Variants in DPP6 observed in about 807,000 individuals in gnomAD.
DPP6 encodes the protein A-type potassium channel modulatory protein DPP6.
A neutral mutation model predicts 122.6 loss-of-function variants in DPP6; 69 were observed. That is an observed-to-expected ratio of 0.56 (90% CI 0.46 to 0.69). The LOEUF (loss-of-function observed/expected upper bound fraction) is 0.69, where lower values mean the gene tolerates loss of function less well. DPP6 is among the 30% of genes least tolerant of loss of function. DPP6 has a pLI of 0.00. For missense variants in DPP6, 928 were observed against 1,116.9 expected (o/e 0.83, Z 2.41); for synonymous variants, 418 against 433.1 (o/e 0.97, Z 0.43).
chr7:154,222,723 A>G (rs1800377910), intron 1 of DPP6, among the ~76,000 whole-genome samples: 1 of 149,514 alleles, frequency 6.7e-6, no homozygotes, highest in South Asian at 2.1e-4. Flanking sequence ...CTCTTTCAGT[A>G]AAATATCCAG....
chr7:153,819,064 C>T, the DPP6 span, among the ~76,000 whole-genome samples: 4 of 109,380 alleles, frequency 3.7e-5, no homozygotes, highest in African/African-American at 3.9e-5. Flanking sequence ...TTTTTTTTTT[C>T]CCCTTTTCTT....
At chr7:153,952,127 C>T (rs901494372) in intron 1 of DPP6, among the ~76,000 whole-genome samples, 2 of 152,196 alleles carry the variant, frequency 1.3e-5, no homozygotes, top group East Asian at 1.9e-4. Flanking sequence ...AGTTTGTCCT[C>T]GTGGGTTGTG....
At chr7:154,693,285 A>G (rs1840036818) in intron 7 of DPP6, among the ~76,000 whole-genome samples, 1 of 152,180 alleles carries the variant, frequency 6.6e-6, no homozygotes, top group South Asian at 2.1e-4. Context: ...CCGAGAAGGA[A>G]GGCCCTTACT....
At chr7:154,245,167 G>T (rs980176171) in intron 1 of DPP6, among the ~76,000 whole-genome samples, 5 of 151,196 alleles carry the variant, frequency 3.3e-5, no homozygotes. Context: ...TGGCCAGGCT[G>T]GTCTTGAACT....
intron 5 of DPP6, among the ~76,000 whole-genome samples, chr7:154,620,105 C>G (rs1338446438): frequency 6.6e-6 from 1 of 152,228 alleles, no homozygotes; most frequent in East Asian, 1.9e-4. Flanking sequence ...CTTGAAAGCT[C>G]TGCACAGACC....
At chr7:154,157,641 G>A (rs1796751420) in intron 1 of DPP6, among the ~76,000 whole-genome samples, 1 of 152,024 alleles carries the variant, frequency 6.6e-6, no homozygotes, top group Admixed American at 6.6e-5. Flanking sequence ...TTAAATATTT[G>A]TACTTATTTG....
intron 1 of DPP6, among the ~76,000 whole-genome samples, chr7:154,082,305 C>G (rs1246502319): frequency 6.6e-6 from 1 of 152,088 alleles, no homozygotes; most frequent in Admixed American, 6.5e-5. Context: ...GCCATTGTAT[C>G]ATAGGGGTTG....
chr7:154,513,190 G>T (rs888641732), intron 3 of DPP6, among the ~76,000 whole-genome samples: 1 of 152,032 alleles, frequency 6.6e-6, no homozygotes, highest in Non-Finnish European at 1.5e-5. Context: ...GCTGGGAATG[G>T]AATGATTTTC....
intron 1 of DPP6, among the ~76,000 whole-genome samples, chr7:154,008,768 T>C (rs1381885055): frequency 1.3e-5 from 2 of 150,332 alleles, no homozygotes; most frequent in African/African-American, 2.4e-5. Flanking sequence ...TTCACGCCAT[T>C]CTCCTGCCTC....
At chr7:154,516,220 C>T (rs1826487365) in intron 3 of DPP6, among the ~76,000 whole-genome samples, 1 of 151,954 alleles carries the variant, frequency 6.6e-6, no homozygotes, top group African/African-American at 2.4e-5. Context: ...TCCTGCTTTC[C>T]CAGATGACCA....
chr7:154,805,873 C>T (rs1177452177), intron 15 of DPP6, among the ~76,000 whole-genome samples: 6 of 152,228 alleles, frequency 3.9e-5, no homozygotes, highest in Non-Finnish European at 5.9e-5. Context: ...CAGCCAGTTA[C>T]ACCTAAAGGC....
chr7:154,313,700 TATATATATATATATAC>T lies in DPP6; in HGVS notation c.244-132512_244-132497del, dbSNP rs1406271691. Among the ~76,000 whole-genome samples the T allele has an allele frequency of 5.2e-3, 145 of 27,848 alleles. 42 individuals are homozygous for T. In the Middle Eastern group the frequency reaches 0.11, roughly 22 times the overall value. 18.3% of individuals were successfully genotyped at this position (27,848 alleles called of 152,430 possible). A position where few individuals can be genotyped will look rare whatever the true frequency, so the allele number is the denominator to read the frequency against. ...TTAAGATATGGTATATATATATATA[TATATATATATATATAC>T]ACACACACGCACGCACACACACACA... On this transcript the variant is annotated intron_variant, in intron 1 of 25. Coordinates refer to ENST00000377770, the MANE Select transcript of DPP6 (RefSeq NM_130797.4).
At chr7:154,831,631 G>T (rs941498664) in intron 16 of DPP6, among the ~76,000 whole-genome samples, 1 of 152,148 alleles carries the variant, frequency 6.6e-6, no homozygotes, top group African/African-American at 2.4e-5. Flanking sequence ...CTTGAAATCA[G>T]ACTTGGCAAT....
At chr7:154,319,496 C>A (rs939748316) in intron 1 of DPP6, among the ~76,000 whole-genome samples, 1 of 151,880 alleles carries the variant, frequency 6.6e-6, no homozygotes, top group Non-Finnish European at 1.5e-5. Flanking sequence ...GAGTTCAAGA[C>A]CAGCCTGGCC....
chr7:154,471,827 G>C (rs1362902133), intron 2 of DPP6, among the ~76,000 whole-genome samples: 1 of 152,048 alleles, frequency 6.6e-6, no homozygotes, highest in Non-Finnish European at 1.5e-5. Flanking sequence ...CTATGCTAAA[G>C]AAGCATGAAA....
chr7:154,099,113 G>A (rs1201729543), intron 1 of DPP6, among the ~76,000 whole-genome samples: 2 of 152,176 alleles, frequency 1.3e-5, no homozygotes, highest in African/African-American at 2.4e-5. Flanking sequence ...AGAAAATGGA[G>A]GTTTGCTCCA....
chr7:154,412,587 T>G (rs1201937136), intron 1 of DPP6, among the ~76,000 whole-genome samples: 1 of 152,182 alleles, frequency 6.6e-6, no homozygotes, highest in African/African-American at 2.4e-5. Flanking sequence ...GAGACACAAT[T>G]CTGTCCATAA....
At chr7:154,186,613 CTGAGTACTCAGA>C (rs1798366707) in intron 1 of DPP6, among the ~76,000 whole-genome samples, 1 of 152,216 alleles carries the variant, frequency 6.6e-6, no homozygotes, top group Non-Finnish European at 1.5e-5. Flanking sequence ...CAGGCATGGC[CTGAGTACTCAGA>C]GGAGGACTCC....
chr7:154,122,522 T>G (rs1807554731), intron 1 of DPP6, among the ~76,000 whole-genome samples: 1 of 152,202 alleles, frequency 6.6e-6, no homozygotes, highest in Non-Finnish European at 1.5e-5. Flanking sequence ...ACTAGCTGAG[T>G]GACTTTGAGC....
Sources: gnomAD v4.1 joint callset for allele counts (sites outside exome capture counted in the v4.1 genomes callset) on GRCh38, gnomAD v4.1.1 for gene constraint, MANE v1.5 for transcripts, NCBI Gene and HGNC (gene_info 2026-07-23, HGNC 2026-07-21) for gene names.